TSPAN9: variants seen among roughly 807,000 people sequenced by gnomAD.
TSPAN9 encodes the protein tetraspanin 9.
TSPAN9 carries 16 observed loss-of-function variants against 31.0 expected under a neutral mutation model. That is an observed-to-expected ratio of 0.52 (90% confidence interval 0.35 to 0.78). The LOEUF (loss-of-function observed/expected upper bound fraction) is 0.78. Among genes scored for constraint, TSPAN9 ranks in the 30% least tolerant of loss-of-function variants. TSPAN9 has a pLI of 0.01. For synonymous variants in TSPAN9, 145 were observed against 121.6 expected, an observed-to-expected ratio of 1.19 and a Z score of -1.27; for missense variants, 272 against 312.5, an observed-to-expected ratio of 0.87 and a Z score of 0.98.
chr12:3,189,893 C>A (rs1367420149), intron 2 of TSPAN9, among the ~76,000 whole-genome samples: 1 of 152,124 alleles, frequency 6.6e-6, no homozygotes, highest in East Asian at 1.9e-4. Flanking sequence ...TAATGCACTG[C>A]GGGCCTTCGA....
chr12:3,116,799 A>G (rs924507223), intron 2 of TSPAN9, among the ~76,000 whole-genome samples: 12 of 152,142 alleles, frequency 7.9e-5, no homozygotes, highest in African/African-American at 2.9e-4. Flanking sequence ...GTATTTGACA[A>G]CAGAACCCCT....
rs113673928 is a variant in TSPAN9 at position 3,249,843 on chromosome 12, G to T, written c.64-28578G>T. 1.4e-4 allele frequency among the ~76,000 whole-genome samples: 21 copies of T among 152,296 alleles called. 1 individual carries two copies. Among genetic ancestry groups the T allele is most frequent in the African/African-American group, 4.8e-4 (20 of 41,568 alleles). On this transcript the variant is annotated intron_variant, in intron 3 of 8. Coordinates refer to ENST00000011898, the MANE Select transcript of TSPAN9 (RefSeq NM_006675.5). Reference sequence around the variant, plus strand: ...CTCTGGATGTCAGACTCCAAATCCCGCATGTTTTCCTCCTGCAATGCTGCA... The same window carrying T: ...CTCTGGATGTCAGACTCCAAATCCCTCATGTTTTCCTCCTGCAATGCTGCA...
At chr12:3,267,319 AG>A (rs1164953523) in intron 3 of TSPAN9, among the ~76,000 whole-genome samples, 13 of 152,354 alleles carry the variant, frequency 8.5e-5, no homozygotes, top group Admixed American at 7.2e-4. Context: ...AGTGCTCGGC[AG>A]GCGGAACCCT....
intron 3 of TSPAN9, among the ~76,000 whole-genome samples, chr12:3,255,933 G>A (rs956101936): frequency 1.3e-5 from 2 of 152,216 alleles, no homozygotes; most frequent in Admixed American, 6.5e-5. Context: ...TAATCAGGAT[G>A]TATGCTTGTG....
At chr12:3,282,993 C>G in intron 8 of TSPAN9, 52 bp from the exon 9 acceptor site, 1 of 1,588,504 alleles carries the variant, frequency 6.3e-7, no homozygotes, top group Admixed American at 1.7e-5. Flanking sequence ...GGGCTGAGGT[C>G]AGGTCCAGGC....
chr12:3,135,718 A>G (rs965419179), intron 2 of TSPAN9, among the ~76,000 whole-genome samples: 1 of 152,118 alleles, frequency 6.6e-6, no homozygotes, highest in Non-Finnish European at 1.5e-5. Flanking sequence ...GTCTGGGTGG[A>G]TCAGCCATCG....
intron 1 of TSPAN9, among the ~76,000 whole-genome samples, chr12:3,081,481 C>T (rs553820850): frequency 8.5e-5 from 13 of 152,276 alleles, no homozygotes; most frequent in African/African-American, 2.9e-4. Context: ...GTTCTTCCAT[C>T]CCTCTCCTCT....
Position 3,278,281 on chromosome 12 carries a change from C to CCAA in TSPAN9, c.64-138_64-136dup, listed in dbSNP as rs1025971269. On this transcript the variant is annotated intron_variant, in intron 3 of 8. Transcript: ENST00000011898. ...AGCCGACATGCTTCGGGTCTGCAGC[C>CCAA]CAACGGTAGTCCCGTTCTCACCTTG... The CCAA allele has an allele frequency of 4.9e-6, 6 of 1,217,824 alleles. No homozygotes were observed. The African/African-American group carries it at 9.1e-5, about 18-fold the overall frequency. 75.4% of individuals were successfully genotyped at this position (1,217,824 alleles called of 1,614,324 possible).
intron 3 of TSPAN9, among the ~76,000 whole-genome samples, chr12:3,208,507 C>T (rs761195726): frequency 2.0e-5 from 3 of 152,188 alleles, no homozygotes. Context: ...ACCCAGCCAG[C>T]TGGGCTGGTG....
chr12:3,247,456 G>T lies in TSPAN9; in HGVS notation c.64-30965G>T, dbSNP rs570302857. Among the ~76,000 whole-genome samples, 12 of 152,238 alleles carry T rather than the reference G, an allele frequency of 7.9e-5. No homozygotes were observed. In the South Asian group the frequency reaches 2.5e-3, roughly 32 times the overall value. ...AGTCTTCAGGGCAGGAGAAACCACA[G>T]GAGTGCCGAGAGAGCGTCAGTTCAG... On this transcript the variant is annotated intron_variant, in intron 3 of 8. Coordinates refer to ENST00000011898, the MANE Select transcript of TSPAN9 (RefSeq NM_006675.5).
At chr12:3,141,817 G>A (rs917392485) in intron 2 of TSPAN9, among the ~76,000 whole-genome samples, 6 of 152,154 alleles carry the variant, frequency 3.9e-5, no homozygotes, top group Non-Finnish European at 8.8e-5. Flanking sequence ...TGTTCTGTGG[G>A]CTGCTCTTGC....
At chr12:3,089,808 A>C (rs2153963031) in intron 2 of TSPAN9, among the ~76,000 whole-genome samples, 1 of 152,166 alleles carries the variant, frequency 6.6e-6, no homozygotes, top group African/African-American at 2.4e-5. Flanking sequence ...CGGGAGGCTG[A>C]GGTGGGAGGG....
intron 3 of TSPAN9, among the ~76,000 whole-genome samples, chr12:3,271,341 TA>T (rs1225652644): frequency 1.3e-5 from 2 of 152,182 alleles, no homozygotes; most frequent in African/African-American, 4.8e-5. Flanking sequence ...TAGGCTGAAT[TA>T]CTAGAAGTAT....
chr12:3,108,606 A>C (rs1287229842), intron 2 of TSPAN9, among the ~76,000 whole-genome samples: 6 of 152,078 alleles, frequency 3.9e-5, no homozygotes, highest in African/African-American at 1.4e-4. Context: ...AGTTCAGGGA[A>C]ATTTTCTTGA....
intron 2 of TSPAN9, among the ~76,000 whole-genome samples, chr12:3,120,872 G>T (rs1188236916): frequency 6.6e-6 from 1 of 152,262 alleles, no homozygotes; most frequent in East Asian, 1.9e-4. Flanking sequence ...CCATAATGGG[G>T]TAGACCAGCC....
chr12:3,156,448 G>T (rs2098342322), intron 2 of TSPAN9, among the ~76,000 whole-genome samples: 1 of 152,080 alleles, frequency 6.6e-6, no homozygotes, highest in Non-Finnish European at 1.5e-5. Flanking sequence ...TAGGGGAGGT[G>T]TTGGAGTTTG....
At chr12:3,200,181 C>T (rs996866367) in intron 2 of TSPAN9, 2 of 152,304 alleles carry the variant, frequency 1.3e-5, no homozygotes, top group East Asian at 1.9e-4. Context: ...AGGCACACAG[C>T]AGAACGCTAA....
At chr12:3,177,417 G>A (rs755948689) in intron 2 of TSPAN9, among the ~76,000 whole-genome samples, 8 of 150,266 alleles carry the variant, frequency 5.3e-5, no homozygotes, top group Non-Finnish European at 1.0e-4. Context: ...GATTACAGGC[G>A]TGAGCCACTG....
intron 3 of TSPAN9, among the ~76,000 whole-genome samples, chr12:3,248,814 T>C (rs1862189111): frequency 6.6e-6 from 1 of 152,136 alleles, no homozygotes; most frequent in African/African-American, 2.4e-5. Context: ...ATAAACATCT[T>C]CCACTGGTCT....
Sources: allele counts gnomAD v4.1 joint callset (sites outside exome capture counted in the v4.1 genomes callset), GRCh38; gene constraint gnomAD v4.1.1; transcripts MANE v1.5; gene names NCBI Gene and HGNC (gene_info 2026-07-23, HGNC 2026-07-21).